CADM2: variants seen among roughly 807,000 people sequenced by gnomAD.
The protein encoded by CADM2 is immunoglobulin superfamily member 4D.
A neutral mutation model predicts 49.8 loss-of-function variants in CADM2; 12 were observed. The observed-to-expected ratio is 0.24, with a 90% CI of 0.15 to 0.39. The LOEUF (loss-of-function observed/expected upper bound fraction) is 0.39, where lower values mean the gene tolerates loss of function less well. Among genes scored for constraint, CADM2 ranks in the 10% least tolerant of loss-of-function variants. CADM2 has a pLI of 1.00. For missense variants in CADM2, 378 were observed against 492.3 expected (o/e 0.77, Z 2.20); for synonymous variants, 214 against 175.4 (o/e 1.22, Z -1.74).
At chr3:85,509,582 T>C (rs1412332529) in intron 1 of CADM2, among the ~76,000 whole-genome samples, 2 of 152,144 alleles carry the variant, frequency 1.3e-5, no homozygotes, top group East Asian at 3.8e-4. Context: ...GTCTGTAATA[T>C]AAATTTAATT....
At chr3:86,046,768 T>G (rs2107291985) in intron 8 of CADM2, among the ~76,000 whole-genome samples, 1 of 152,220 alleles carries the variant, frequency 6.6e-6, no homozygotes, top group East Asian at 1.9e-4. Flanking sequence ...TTCCTCCGTC[T>G]TAAACACCCC....
At chr3:85,852,048 C>T (rs913759389) in intron 3 of CADM2, among the ~76,000 whole-genome samples, 6 of 151,980 alleles carry the variant, frequency 3.9e-5, no homozygotes, top group African/African-American at 9.7e-5. Flanking sequence ...GAGGCTTATC[C>T]GTATTACTGC....
intron 1 of CADM2, among the ~76,000 whole-genome samples, chr3:85,654,595 T>C (rs2065142406): frequency 6.6e-6 from 1 of 152,266 alleles, no homozygotes; most frequent in Non-Finnish European, 1.5e-5. Context: ...CAGAGAGTCA[T>C]TGAGGCAATA....
chr3:85,002,373 C>A (rs904240003), intron 1 of CADM2, among the ~76,000 whole-genome samples: 12 of 151,996 alleles, frequency 7.9e-5, no homozygotes, highest in African/African-American at 2.7e-4. Flanking sequence ...TGAGCGACAG[C>A]AAAAAGAATT....
At chr3:85,785,716 C>A (rs1026695379) in intron 2 of CADM2, among the ~76,000 whole-genome samples, 3 of 152,014 alleles carry the variant, frequency 2.0e-5, no homozygotes, top group Admixed American at 2.0e-4. Context: ...GCATGAGCAA[C>A]CTCAGCTCAG....
intron 1 of CADM2, among the ~76,000 whole-genome samples, chr3:85,415,832 G>A (rs2035896619): frequency 6.6e-6 from 1 of 152,104 alleles, no homozygotes; most frequent in South Asian, 2.1e-4. Flanking sequence ...TGTGTTGTCA[G>A]CATCATGCAT....
intron 8 of CADM2, among the ~76,000 whole-genome samples, chr3:85,990,089 T>TA (rs1472257730): frequency 7.3e-6 from 1 of 137,796 alleles, no homozygotes; most frequent in African/African-American, 2.7e-5. Context: ...TGGAAATACT[T>TA]AAAAACACTT....
intron 3 of CADM2, among the ~76,000 whole-genome samples, chr3:85,870,872 C>A (rs539085545): frequency 6.6e-6 from 1 of 151,960 alleles, no homozygotes; most frequent in African/African-American, 2.4e-5. Context: ...CCTTCTTATA[C>A]CATATACAAA....
chr3:85,921,430 G>A (rs1436835945), intron 6 of CADM2, among the ~76,000 whole-genome samples: 1 of 151,822 alleles, frequency 6.6e-6, no homozygotes, highest in Non-Finnish European at 1.5e-5. Flanking sequence ...TGATATATTA[G>A]GAAAGATTGT....
In CADM2 at chr3:85,652,772, C is replaced by CTTT. The variant is rs34756757; in HGVS notation, c.62-73728_62-73726dup. Among the ~76,000 whole-genome samples, 11 of 50,786 alleles carry CTTT rather than the reference C, an allele frequency of 2.2e-4. 1 individual carries two copies. Among genetic ancestry groups the CTTT allele is most frequent in the South Asian group, 1.9e-3 (2 of 1,034 alleles). The allele number at this position is 50,786 out of a possible 152,430, so 33.3% of individuals were successfully genotyped here. A position where few individuals can be genotyped will look rare whatever the true frequency, so the allele number is the denominator to read the frequency against. The stretch of plus-strand genomic sequence containing the variant: ...TAACCTGAAAATCTTTTTTTCTTTT[C>CTTT]TTTTTTTTTTTTTTTTTTTTTTTTA... On this transcript the variant is annotated intron_variant, in intron 1 of 9. Transcript: ENST00000383699.
intron 1 of CADM2, among the ~76,000 whole-genome samples, chr3:85,063,912 A>T (rs2036427344): frequency 6.6e-6 from 1 of 152,190 alleles, no homozygotes; most frequent in African/African-American, 2.4e-5. Context: ...TGTTAGAATT[A>T]ATTCTGCCAC....
chr3:85,982,435 A>G (rs772968457), intron 8 of CADM2, among the ~76,000 whole-genome samples: 5 of 151,594 alleles, frequency 3.3e-5, no homozygotes, highest in Non-Finnish European at 5.9e-5. Context: ...ACACAAAAAT[A>G]TTTTTTTAAA....
At chr3:85,502,747 C>T (rs1026257435) in intron 1 of CADM2, among the ~76,000 whole-genome samples, 1 of 152,090 alleles carries the variant, frequency 6.6e-6, no homozygotes, top group African/African-American at 2.4e-5. Flanking sequence ...AATAGTTGAG[C>T]TTATCCAGAG....
intron 1 of CADM2, among the ~76,000 whole-genome samples, chr3:85,015,146 T>C (rs1293199686): frequency 1.3e-5 from 2 of 152,096 alleles, no homozygotes; most frequent in African/African-American, 2.4e-5. Flanking sequence ...CATATATGTG[T>C]ATATATGGGT....
chr3:85,313,827 G>A (rs1055511609), intron 1 of CADM2, among the ~76,000 whole-genome samples: 2 of 152,068 alleles, frequency 1.3e-5, no homozygotes, highest in African/African-American at 4.8e-5. Context: ...AAGATAATTT[G>A]TTTTAAAATG....
chr3:85,918,441 T>C (rs1718670928), intron 6 of CADM2, among the ~76,000 whole-genome samples: 2 of 152,210 alleles, frequency 1.3e-5, no homozygotes, highest in South Asian at 2.1e-4. Flanking sequence ...GTTCTGTTTA[T>C]ATGCTGGATT....
At chr3:85,650,273 G>T (rs184009677) in intron 1 of CADM2, among the ~76,000 whole-genome samples, 26 of 152,232 alleles carry the variant, frequency 1.7e-4, no homozygotes, top group African/African-American at 6.3e-4. Flanking sequence ...AAGGAGAAGC[G>T]CTTTTGTGAC....
intron 1 of CADM2, among the ~76,000 whole-genome samples, chr3:85,254,372 T>G (rs1041639980): frequency 1.3e-5 from 2 of 151,996 alleles, no homozygotes; most frequent in African/African-American, 4.8e-5. Context: ...GACTTCATTG[T>G]GTAATCATGG....
chr3:84,998,281 G>A (rs2033278365), intron 1 of CADM2, among the ~76,000 whole-genome samples: 1 of 152,090 alleles, frequency 6.6e-6, no homozygotes, highest in Non-Finnish European at 1.5e-5. Flanking sequence ...TAAACATAGA[G>A]ATAATTTTGC....
Sources: allele counts gnomAD v4.1 joint callset (sites outside exome capture counted in the v4.1 genomes callset), GRCh38; gene constraint gnomAD v4.1.1; transcripts MANE v1.5; gene names NCBI Gene and HGNC (gene_info 2026-07-23, HGNC 2026-07-21).